The following CACNA2D1 variants were observed in gnomAD, a reference collection of about 807,000 sequenced individuals.
CACNA2D1 encodes calcium voltage-gated channel auxiliary subunit alpha2delta 1.
A neutral mutation model predicts 171.5 loss-of-function variants in CACNA2D1; 53 were observed. The observed-to-expected ratio is 0.31, with a 90% confidence interval of 0.25 to 0.39. The LOEUF (loss-of-function observed/expected upper bound fraction) is 0.39, where lower values mean the gene tolerates loss of function less well. Ranked by LOEUF, CACNA2D1 falls within the 10% of genes least tolerant of loss-of-function variation. The pLI, the probability that CACNA2D1 is intolerant of heterozygous loss-of-function variation, is 1.00. For synonymous variants in CACNA2D1, 442 were observed against 443.1 expected, an observed-to-expected ratio of 1.00 and a Z score of 0.03; for missense variants, 903 against 1,299.8, an observed-to-expected ratio of 0.69 and a Z score of 4.69.
chr7:82,369,760 TAAGA>T (rs201548746), intron 1 of CACNA2D1, among the ~76,000 whole-genome samples: 2,008 of 152,166 alleles, frequency 0.013, 43 homozygotes, highest in African/African-American at 0.045. Flanking sequence ...CTCCATAAAT[TAAGA>T]GTGAACATCA....
chr7:82,346,971 C>G (rs1819332084), intron 2 of CACNA2D1, among the ~76,000 whole-genome samples: 2 of 152,140 alleles, frequency 1.3e-5, no homozygotes, highest in Non-Finnish European at 2.9e-5. Context: ...AACCTTCTCT[C>G]AATTATTTTA....
In CACNA2D1 at chr7:82,337,638, A is replaced by C. The variant is rs558371311; in HGVS notation, c.178-2387T>G. ...TTTTGTCCAATTTCTTTCTCGAAGG[A>C]AAAACAGCATGGTGGAAATAATACG... On this transcript the variant is annotated intron_variant, in intron 2 of 38. Coordinates refer to ENST00000356860, the MANE Select transcript of CACNA2D1 (RefSeq NM_000722.4). 3.3e-5 allele frequency among the ~76,000 whole-genome samples: 5 copies of C among 152,318 alleles called. No homozygotes were observed. The South Asian group carries it at 1.0e-3, about 32-fold the overall frequency.
rs1272423094 is a variant in CACNA2D1 at position 81,994,852 on chromosome 7, T to G, written c.1734+16A>C. 8.0e-7 allele frequency: 1 copy of G among 1,252,404 alleles called. No individual in the cohort carries two copies. Among genetic ancestry groups the G allele is most frequent in the Non-Finnish European group, 1.2e-6 (1 of 851,518 alleles). The allele number at this position is 1,252,404 out of a possible 1,614,324, so 77.6% of individuals were successfully genotyped here. On this transcript the variant is annotated intron_variant, in intron 20 of 38. Transcript: ENST00000356860. ...ATATAATTTTTATTTAAGAATAAGC[T>G]AGAATCAATTCTTACCTCATCTTGA...
chr7:82,396,223 C>T (rs1285083735), intron 1 of CACNA2D1, among the ~76,000 whole-genome samples: 1 of 152,162 alleles, frequency 6.6e-6, no homozygotes, highest in African/African-American at 2.4e-5. Context: ...GTAGTTCACA[C>T]CTGTAATCCC....
intron 10 of CACNA2D1, among the ~76,000 whole-genome samples, chr7:82,043,242 A>G (rs563394808): frequency 6.6e-6 from 1 of 152,250 alleles, no homozygotes; most frequent in South Asian, 2.1e-4. Flanking sequence ...AAAAGTACAA[A>G]TACTCTGTCC....
intron 4 of CACNA2D1, among the ~76,000 whole-genome samples, chr7:82,157,974 T>A (rs1012167796): frequency 2.0e-5 from 3 of 151,914 alleles, no homozygotes; most frequent in Non-Finnish European, 2.9e-5. Context: ...TTAAAAGTCA[T>A]GCTGAATAAA....
At chr7:82,280,074 G>C (rs531898022) in intron 3 of CACNA2D1, among the ~76,000 whole-genome samples, 13 of 152,130 alleles carry the variant, frequency 8.5e-5, no homozygotes, top group African/African-American at 3.1e-4. Flanking sequence ...ACCTGGTATT[G>C]ATTTATTTAA....
At chr7:82,321,165 G>A (rs769520674) in intron 3 of CACNA2D1, among the ~76,000 whole-genome samples, 25 of 152,212 alleles carry the variant, frequency 1.6e-4, no homozygotes, top group South Asian at 4.2e-4. Flanking sequence ...TTGGGAGGCC[G>A]AGGCAGGCAG....
chr7:82,094,266 G>T (rs1008959558), intron 6 of CACNA2D1, among the ~76,000 whole-genome samples: 3 of 152,090 alleles, frequency 2.0e-5, no homozygotes, highest in South Asian at 2.1e-4. Flanking sequence ...ATACATCTCA[G>T]AAATTGAACT....
At chr7:82,085,631 T>C (rs1810373564) in intron 6 of CACNA2D1, among the ~76,000 whole-genome samples, 1 of 151,750 alleles carries the variant, frequency 6.6e-6, no homozygotes, top group Non-Finnish European at 1.5e-5. Context: ...GGCTTGACAA[T>C]ATCCGTGTTA....
In CACNA2D1 at chr7:82,050,390, C is replaced by T. The variant is rs1805055758; in HGVS notation, c.879+10038G>A. On this transcript the variant is annotated intron_variant, in intron 10 of 38. Coordinates refer to ENST00000356860, the MANE Select transcript of CACNA2D1 (RefSeq NM_000722.4). The stretch of plus-strand genomic sequence containing the variant: ...TAGCAACAGAGGAGCAGAGTAACAT[C>T]TTTGTTTGCACAAGCTGCCCAAACC... 3 of 567,342 alleles carry T rather than the reference C, an allele frequency of 5.3e-6. No individual in the cohort carries two copies. The South Asian group carries it at 7.0e-5, about 13-fold the overall frequency. 35.1% of individuals were successfully genotyped at this position (567,342 alleles called of 1,614,324 possible).
At chr7:82,244,395 A>C (rs1359755099) in intron 3 of CACNA2D1, among the ~76,000 whole-genome samples, 2 of 152,138 alleles carry the variant, frequency 1.3e-5, no homozygotes, top group Non-Finnish European at 2.9e-5. Flanking sequence ...GAAATCTAAA[A>C]TATTAATCAT....
At chr7:82,119,812 A>G (rs2129056318) in intron 5 of CACNA2D1, among the ~76,000 whole-genome samples, 1 of 152,326 alleles carries the variant, frequency 6.6e-6, no homozygotes, top group African/African-American at 2.4e-5. Context: ...TAGTTGATAT[A>G]GAATAAAATG....
Position 82,368,535 on chromosome 7 carries a change from A to C in CACNA2D1, c.96-18886T>G, listed in dbSNP as rs1822001873. On this transcript the variant is annotated intron_variant, in intron 1 of 38. Transcript: ENST00000356860. ...TCCATGTACTATTTTACTTTACTTT[A>C]AATTTTTGAGACTATTAGTTCCAAG... 2.0e-5 allele frequency among the ~76,000 whole-genome samples: 3 copies of C among 152,218 alleles called. No individual in the cohort carries two copies. The South Asian group carries it at 6.2e-4, about 31-fold the overall frequency.
chr7:82,332,550 G>GAA lies in CACNA2D1; in HGVS notation c.294+2583_294+2584dup, dbSNP rs1817478645. On this transcript the variant is annotated intron_variant, in intron 3 of 38. Transcript: ENST00000356860. ...AGAAAGAAAGAAAGAAAGAAAGAAA[G>GAA]AAAGAAAGAAAGAAAGAACGAACAG... 2.1e-5 allele frequency among the ~76,000 whole-genome samples: 3 copies of GAA among 144,214 alleles called. No homozygotes were observed. The Admixed American group carries it at 2.1e-4, about 10-fold the overall frequency. The allele number at this position is 144,214 out of a possible 152,430, so 94.6% of individuals were successfully genotyped here.
chr7:82,338,696 T>C (rs1293116991), intron 2 of CACNA2D1, among the ~76,000 whole-genome samples: 1 of 152,144 alleles, frequency 6.6e-6, no homozygotes, highest in Non-Finnish European at 1.5e-5. Context: ...CAAACCAATG[T>C]CTAGAGCAGC....
intron 3 of CACNA2D1, among the ~76,000 whole-genome samples, chr7:82,218,211 G>C (rs528094811): frequency 2.0e-5 from 3 of 152,072 alleles, no homozygotes; most frequent in Admixed American, 1.3e-4. Flanking sequence ...TGGGATTACA[G>C]GTGTAAGCCA....
intron 26 of CACNA2D1, 136 bp downstream of exon 26, chr7:81,971,641 T>C (rs1385360144): frequency 3.1e-6 from 2 of 644,428 alleles, no homozygotes; most frequent in Non-Finnish European, 5.6e-6. Flanking sequence ...TGTCAACAAC[T>C]GTATAGTGAT....
chr7:82,063,706 C>G (rs1012650722), intron 9 of CACNA2D1, among the ~76,000 whole-genome samples: 6 of 152,020 alleles, frequency 3.9e-5, no homozygotes, highest in African/African-American at 1.4e-4. Flanking sequence ...AGGATATAAT[C>G]TTTTCAATTT....
Sources: allele counts gnomAD v4.1 joint callset (sites outside exome capture counted in the v4.1 genomes callset), GRCh38; gene constraint gnomAD v4.1.1; transcripts MANE v1.5; gene names NCBI Gene and HGNC (gene_info 2026-07-23, HGNC 2026-07-21).